The following FSTL4 variants were observed in gnomAD, a reference collection of about 807,000 sequenced individuals.
FSTL4 encodes follistatin like 4.
Under a neutral mutation model 78.2 loss-of-function variants are expected in FSTL4, and 28 were observed. The ratio of observed to expected loss-of-function variants is 0.36; its 90% CI spans 0.27 to 0.49. The LOEUF (loss-of-function observed/expected upper bound fraction) is 0.49. Among genes scored for constraint, FSTL4 ranks in the 20% least tolerant of loss-of-function variants. FSTL4 has a pLI of 0.98. For missense variants in FSTL4, 922 were observed against 1,084.9 expected, an observed-to-expected ratio of 0.85 and a Z score of 2.11; for synonymous variants, 422 against 440.5, an observed-to-expected ratio of 0.96 and a Z score of 0.53.
chr5:133,221,904 T>TGTTG (rs796432581), intron 11 of FSTL4, among the ~76,000 whole-genome samples: 1 of 106,178 alleles, frequency 9.4e-6, no homozygotes, highest in African/African-American at 4.9e-5. Context: ...TTTTTTTTTT[T>TGTTG]TTTTTTTTTT....
chr5:133,288,288 G>A (rs746583448), intron 6 of FSTL4, among the ~76,000 whole-genome samples: 1 of 152,186 alleles, frequency 6.6e-6, no homozygotes, highest in African/African-American at 2.4e-5. Context: ...TTTGGAGACA[G>A]GCTGCAGGGG....
chr5:133,633,629 G>A, the FSTL4 span, among the ~76,000 whole-genome samples: 1 of 152,074 alleles, frequency 6.6e-6, no homozygotes, highest in Non-Finnish European at 1.5e-5. Flanking sequence ...TCTGTTGATT[G>A]TATTTTTCAT....
chr5:133,838,180 G>A, the FSTL4 span, among the ~76,000 whole-genome samples: 1 of 152,198 alleles, frequency 6.6e-6, no homozygotes, highest in Non-Finnish European at 1.5e-5. Flanking sequence ...GAGCCACCGT[G>A]CCCAGCCAAG....
chr5:133,503,025 T>G (rs1820801), intron 3 of FSTL4, among the ~76,000 whole-genome samples: 78,182 of 152,106 alleles, frequency 0.51, 20,479 homozygotes, highest in African/African-American at 0.59. Context: ...TTGTGGTAAT[T>G]TGTTACAGCA....
At chr5:133,558,600 G>C (rs1759846729) in intron 3 of FSTL4, among the ~76,000 whole-genome samples, 1 of 151,970 alleles carries the variant, frequency 6.6e-6, no homozygotes. Context: ...AGAGTTCAAA[G>C]CAACATTCAA....
chr5:133,824,795 G>A, the FSTL4 span, among the ~76,000 whole-genome samples: 5 of 152,014 alleles, frequency 3.3e-5, no homozygotes, highest in African/African-American at 1.2e-4. Flanking sequence ...CATGCACCGG[G>A]AAACCACCAC....
intron 3 of FSTL4, among the ~76,000 whole-genome samples, chr5:133,479,371 A>G (rs1450556017): frequency 1.3e-5 from 2 of 152,382 alleles, no homozygotes; most frequent in Middle Eastern, 3.4e-3. Context: ...TGATGTCTAT[A>G]CCGAGGCCGT....
At chr5:133,831,957 A>G in the FSTL4 span, among the ~76,000 whole-genome samples, 1 of 152,172 alleles carries the variant, frequency 6.6e-6, no homozygotes, top group African/African-American at 2.4e-5. Context: ...TGATAACTAC[A>G]CGGTGGAGCT....
chr5:133,787,606 C>T, the FSTL4 span, among the ~76,000 whole-genome samples: 2 of 150,616 alleles, frequency 1.3e-5, no homozygotes, highest in Non-Finnish European at 3.0e-5. Flanking sequence ...GAGGCCTGCA[C>T]TCCACTCCTG....
At chr5:133,698,987 G>T in the FSTL4 span, among the ~76,000 whole-genome samples, 1 of 152,296 alleles carries the variant, frequency 6.6e-6, no homozygotes, top group South Asian at 2.1e-4. Context: ...TCGCTTATAG[G>T]ATGACAGTGA....
At chr5:133,763,948 G>A in the FSTL4 span, among the ~76,000 whole-genome samples, 1 of 152,166 alleles carries the variant, frequency 6.6e-6, no homozygotes, top group East Asian at 1.9e-4. Context: ...GCCAGCCCAA[G>A]GCAGCTGCTT....
chr5:133,756,233 A>G, the FSTL4 span, among the ~76,000 whole-genome samples: 3 of 152,006 alleles, frequency 2.0e-5, no homozygotes, highest in Non-Finnish European at 4.4e-5. Flanking sequence ...AGCAGGCACA[A>G]TGTCCTGGGA....
At chr5:133,647,458 C>A in the FSTL4 span, among the ~76,000 whole-genome samples, 1 of 152,170 alleles carries the variant, frequency 6.6e-6, no homozygotes, top group South Asian at 2.1e-4. Context: ...GACAAAGCAA[C>A]CTGCAATGAT....
chr5:133,202,092 G>T, intron 14 of FSTL4, 50 bp from the exon 15 acceptor site: 1 of 1,232,974 alleles, frequency 8.1e-7, no homozygotes, highest in Non-Finnish European at 1.2e-6. Flanking sequence ...GGTGGGGGCT[G>T]AACCTGGAGA....
At chr5:133,341,761 C>T (rs1754586739) in intron 4 of FSTL4, among the ~76,000 whole-genome samples, 2 of 152,138 alleles carry the variant, frequency 1.3e-5, no homozygotes, top group Admixed American at 6.5e-5. Context: ...CTTGAATGTG[C>T]CACTTATAAG....
chr5:133,215,871 T>C (rs1365263698), intron 13 of FSTL4, among the ~76,000 whole-genome samples: 1 of 152,218 alleles, frequency 6.6e-6, no homozygotes, highest in African/African-American at 2.4e-5. Context: ...CTTTTTCATC[T>C]TTGCAGTCAA....
At chr5:133,725,641 TA>T in the FSTL4 span, among the ~76,000 whole-genome samples, 3 of 152,174 alleles carry the variant, frequency 2.0e-5, no homozygotes, top group African/African-American at 7.2e-5. Context: ...AGGGTGGTAA[TA>T]AAACGTCATG....
chr5:133,576,901 T>C (rs1760295411), intron 2 of FSTL4, among the ~76,000 whole-genome samples: 1 of 152,234 alleles, frequency 6.6e-6, no homozygotes, highest in Non-Finnish European at 1.5e-5. Flanking sequence ...TTCACTTGAA[T>C]TTTAAAAACT....
chr5:133,322,642 AG>A (rs1287659983), intron 4 of FSTL4, among the ~76,000 whole-genome samples: 1 of 152,136 alleles, frequency 6.6e-6, no homozygotes, highest in Non-Finnish European at 1.5e-5. Context: ...CTGAGGTGGG[AG>A]GGAGCCAGGA....
Sources: allele counts gnomAD v4.1 joint callset (sites outside exome capture counted in the v4.1 genomes callset), GRCh38; gene constraint gnomAD v4.1.1; transcripts MANE v1.5; gene names NCBI Gene and HGNC (gene_info 2026-07-23, HGNC 2026-07-21).